The following CARD10 variants were observed in gnomAD, a reference collection of about 807,000 sequenced individuals.
CARD10 encodes the protein caspase recruitment domain family member 10.
Under a neutral mutation model 114.6 loss-of-function variants are expected in CARD10, and 49 were observed. The ratio of observed to expected loss-of-function variants is 0.43; its 90% CI spans 0.34 to 0.54. The LOEUF is 0.54. CARD10 is among the 20% of genes least tolerant of loss of function. CARD10 has a pLI of 0.03. For missense variants in CARD10, 1,206 were observed against 1,397.2 expected (o/e 0.86, Z 2.18); for synonymous variants, 602 against 593.2 (o/e 1.01, Z -0.21).
Position 37,492,300 on chromosome 22 carries a change from G to A in CARD10, c.2751+135C>T, listed in dbSNP as rs1922830888. The A allele has an allele frequency of 3.0e-6, 2 of 665,508 alleles. No homozygotes were observed. Among genetic ancestry groups the A allele is most frequent in the African/African-American group, 1.8e-5 (1 of 55,354 alleles). 41.2% of individuals were successfully genotyped at this position (665,508 alleles called of 1,614,324 possible). Reference sequence around the variant, plus strand: ...GAAACTGAAGGCCACAGGAGGGAAAGGACTTGGCCAGGGCCGCCCTGCCAG... The same window carrying A: ...GAAACTGAAGGCCACAGGAGGGAAAAGACTTGGCCAGGGCCGCCCTGCCAG... On this transcript the variant is annotated intron_variant, in intron 18 of 19. Transcript: ENST00000251973. The surrounding 1 kb of genome is among the most constrained non-coding windows in gnomAD (Gnocchi z 5.7).
At position 37,490,431 on chromosome 22, in the gene CARD10, C is replaced by A. The variant is rs139823002; in HGVS notation, c.*728G>T. ...GTGAAAAAGGCCCGTTAATCATCCACGGGCCGTACATTCTCATGACAGAGC... is the reference window on the plus strand; with the variant it reads ...GTGAAAAAGGCCCGTTAATCATCCAAGGGCCGTACATTCTCATGACAGAGC... On this transcript the variant is annotated 3_prime_UTR_variant, in exon 20 of 20. Transcript: ENST00000251973. 6.6e-6 allele frequency: 1 copy of A among 152,226 alleles called. No homozygotes were observed. The highest frequency in any genetic ancestry group is 2.4e-5 in the African/African-American group (1 of 41,436). The allele number at this position is 152,226 out of a possible 1,614,324, so 9.4% of individuals were successfully genotyped here.
chr22:37,508,416 G>T, intron 5 of CARD10, 111 bp downstream of exon 5: 1 of 1,162,558 alleles, frequency 8.6e-7, no homozygotes, highest in Non-Finnish European at 1.2e-6. Context: ...ACAAATGAAT[G>T]CAGTTCTCAG....
At chr22:37,507,650 G>T (rs1056669211) in intron 6 of CARD10, among the ~76,000 whole-genome samples, 179 bp downstream of exon 6, 1 of 152,202 alleles carries the variant, frequency 6.6e-6, no homozygotes, top group Non-Finnish European at 1.5e-5. Context: ...TGTAAGGCTG[G>T]TATCTCAAGG....
At position 37,490,515 on chromosome 22, in the gene CARD10, C is replaced by T. The variant is rs972933530; in HGVS notation, c.*644G>A. ...TAGGCAGGGAGTGGGCCCTGTGAGG[C>T]ACGGTCCTGAGTGTGCCCGCCAGGA... On this transcript the variant is annotated 3_prime_UTR_variant, in exon 20 of 20. Coordinates refer to ENST00000251973, the MANE Select transcript of CARD10 (RefSeq NM_014550.4). 6.6e-6 allele frequency: 1 copy of T among 152,292 alleles called. No individual in the cohort carries two copies. The highest frequency in any genetic ancestry group is 2.4e-5 in the African/African-American group (1 of 41,464). 9.4% of individuals were successfully genotyped at this position (152,292 alleles called of 1,614,324 possible).
chr22:37,512,355 G>A (rs968325116), intron 3 of CARD10: 3 of 152,040 alleles, frequency 2.0e-5, no homozygotes, highest in Non-Finnish European at 2.9e-5. Flanking sequence ...ATGACTTCTG[G>A]TGCTACAGTC....
rs1406830755 is a variant in CARD10 at position 37,491,380 on chromosome 22, G to A, written c.2878C>T (p.Arg960Trp). 8 of 1,497,592 alleles carry A rather than the reference G, an allele frequency of 5.3e-6. No individual in the cohort carries two copies. Among genetic ancestry groups the A allele is most frequent in the South Asian group, 3.9e-5 (3 of 76,840 alleles). The allele number at this position is 1,497,592 out of a possible 1,614,324, so 92.8% of individuals were successfully genotyped here. A position where few individuals can be genotyped will look rare whatever the true frequency, so the allele number is the denominator to read the frequency against. ...AGCTCTGAGTCCCGCCAGCCCGGCCGGCCCAGCAGACCCCTGCCGAGAGAA... is the reference window on the plus strand; with the variant it reads ...AGCTCTGAGTCCCGCCAGCCCGGCCAGCCCAGCAGACCCCTGCCGAGAGAA... ...NVREVRGLLG[R>W]PGWRDSELLR... is the part of the protein sequence containing the mutation. Residue 960 changes from arginine (R) to tryptophan (W), a missense_variant, in exon 20 of 20, where the codon CGG becomes TGG. Physicochemically the swap from Arg to Trp is moderately radical, Grantham distance 101. Coordinates refer to ENST00000251973, the MANE Select transcript of CARD10 (RefSeq NM_014550.4).
rs141811623 is a variant in CARD10, at chr22:37,497,093, C to T, written c.1873G>A (p.Gly625Arg). 5 of 1,614,244 alleles carry T rather than the reference C, an allele frequency of 3.1e-6. No homozygotes were observed. The African/African-American group carries it at 6.7e-5, about 22-fold the overall frequency. Residue 625 changes from glycine to arginine, a missense_variant, in exon 12 of 20, where the codon GGG (glycine) becomes AGG (arginine). By Grantham distance (125) the Gly-to-Arg change is moderately radical. This residue lies in a region of CARD10 where 1,068 missense variants were observed against 1,179.1 expected (regional missense o/e 0.91). Coordinates refer to ENST00000251973, the MANE Select transcript of CARD10 (RefSeq NM_014550.4). Reference protein sequence around the residue: ...DKGPDGLSFYGDRWSGAVVRR... With the variant: ...DKGPDGLSFYRDRWSGAVVRR... ...ACCACAGCCCCAGACCATCTGTCCC[C>T]ATAAAACGACAGTCCATCTGGTCCC...
At chr22:37,517,779 G>A (rs890480058) in intron 2 of CARD10, among the ~76,000 whole-genome samples, 192 bp downstream of exon 2, 1 of 152,216 alleles carries the variant, frequency 6.6e-6, no homozygotes, top group Admixed American at 6.5e-5. Context: ...TCTGAACTTG[G>A]AATAACGGCA....
rs528552185 is a variant in CARD10 at position 37,500,474 on chromosome 22, C to A, written c.1787+2128G>T. Among the ~76,000 whole-genome samples the A allele has an allele frequency of 1.8e-3, 281 of 152,150 alleles. 1 individual carries two copies. Among genetic ancestry groups the A allele is most frequent in the Non-Finnish European group, 3.4e-3 (228 of 67,998 alleles). On this transcript the variant is annotated intron_variant, in intron 11 of 19. Transcript: ENST00000251973. ...ACCTGACTATCTGTCAGCCCAACCC[C>A]CGGTCTGCCCCAGCCCCCCACTATC...
At position 37,497,147 on chromosome 22, in the gene CARD10, G is replaced by A; in HGVS notation, c.1819C>T (p.Pro607Ser). 4 of 1,613,938 alleles carry A rather than the reference G, an allele frequency of 2.5e-6. No individual in the cohort carries two copies. Among genetic ancestry groups the A allele is most frequent in the Non-Finnish European group, 3.4e-6 (4 of 1,179,946 alleles). ...SLAIRVSGRS[P>S]PGGPEPQDKG... ...TCCTGCGGCTCTGGGCCCCCTGGGGGGCTCCGGCCAGACACCCGAATAGCC... is the reference window on the plus strand; with the variant it reads ...TCCTGCGGCTCTGGGCCCCCTGGGGAGCTCCGGCCAGACACCCGAATAGCC... Residue 607 changes from proline to serine, a missense_variant, in exon 12 of 20, where the codon CCC becomes TCC. Pro to Ser is a moderately conservative substitution (Grantham distance 74). Transcript: ENST00000251973.
In CARD10 at chr22:37,495,780, GC is replaced by G; in HGVS notation, c.2282del (p.Gly761AlafsTer13). ...GTCACCTCTGATAATTGGGCACGGT[GC>G]CCCGGTCCAGGTCCCGCAGAGTGAG... Reference protein sequence around the residue: ...DPLTLRDLDRGTVPNYQRAQQ... With the variant: ...DPLTLRDLDRXTVPNYQRAQQ... On this transcript the variant is annotated frameshift_variant, in exon 14 of 20. Coordinates refer to ENST00000251973, the MANE Select transcript of CARD10 (RefSeq NM_014550.4). LOFTEE classifies it high-confidence loss of function. 1 of 1,613,930 alleles carries G rather than the reference GC, an allele frequency of 6.2e-7. No homozygotes were observed. Among genetic ancestry groups the G allele is most frequent in the Non-Finnish European group, 8.5e-7 (1 of 1,180,034 alleles).
In CARD10 at chr22:37,496,754, A is replaced by G. The variant is rs1423914421; in HGVS notation, c.1948-194T>C. ...ACGCCCCCATCCACAGGACTCCCCAACCCGCCCAGCTCATCCAGGTCTTTC... is the reference window on the plus strand; with the variant it reads ...ACGCCCCCATCCACAGGACTCCCCAGCCCGCCCAGCTCATCCAGGTCTTTC... On this transcript the variant is annotated intron_variant, in intron 12 of 19. Transcript: ENST00000251973. This position sits in a 1 kb window ranked among gnomAD's most constrained non-coding sequence, Gnocchi z 4.1. 3.2e-6 allele frequency: 2 copies of G among 629,776 alleles called. No individual in the cohort carries two copies. Among genetic ancestry groups the G allele is most frequent in the African/African-American group, 3.7e-5 (2 of 54,022 alleles). 39.0% of individuals were successfully genotyped at this position (629,776 alleles called of 1,614,324 possible).
intron 4 of CARD10, among the ~76,000 whole-genome samples, chr22:37,509,817 T>A (rs1168850151): frequency 2.9e-4 from 7 of 23,744 alleles, no homozygotes; most frequent in African/African-American, 4.8e-4. Context: ...CCTCCTGACC[T>A]CCTGCCAGCC....
In CARD10 at chr22:37,519,102, G is replaced by C. The variant is rs1314890878; in HGVS notation, c.99C>G (p.Gly33=). ...EEDALWERIE[G]VRHRLARALN... ...GGGCGCGAGCCAGCCGATGCCGGAC[G>C]CCCTCGATTCGCTCCCACAGCGCGT... Residue 33 remains glycine, a synonymous_variant, in exon 1 of 20, where the codon GGC becomes GGG. Transcript: ENST00000251973. The surrounding 1 kb of genome is among the most constrained non-coding windows in gnomAD (Gnocchi z 4.1). 1.3e-6 allele frequency: 2 copies of C among 1,588,496 alleles called. No individual in the cohort carries two copies. The highest frequency in any genetic ancestry group is 1.7e-6 in the Non-Finnish European group (2 of 1,174,578).
At chr22:37,502,466 G>C (rs1485191496) in intron 11 of CARD10, 136 bp downstream of exon 11, 7 of 1,002,770 alleles carry the variant, frequency 7.0e-6, no homozygotes, top group Non-Finnish European at 7.0e-6. Context: ...GGAATCCAAG[G>C]GCTGCCAGTG....
intron 9 of CARD10, 28 bp downstream of exon 9, chr22:37,504,158 T>G (rs1601813244): frequency 6.8e-7 from 1 of 1,468,512 alleles, no homozygotes. Flanking sequence ...CCTCCCTGGG[T>G]GTCTACTGCT....
intron 2 of CARD10, among the ~76,000 whole-genome samples, chr22:37,517,364 G>A (rs756121369): frequency 7.2e-5 from 11 of 152,316 alleles, no homozygotes; most frequent in Non-Finnish European, 1.6e-4. Flanking sequence ...TCAGCTAGGC[G>A]CAGTGGCTCA....
intron 16 of CARD10, 53 bp downstream of exon 16, chr22:37,494,032 CA>C: frequency 7.7e-7 from 1 of 1,306,174 alleles, no homozygotes; most frequent in East Asian, 2.5e-5. Context: ...CAGCTGCACA[CA>C]TCCCTGGACA....
chr22:37,507,022 T>G (rs903708961), intron 6 of CARD10, among the ~76,000 whole-genome samples: 2 of 152,250 alleles, frequency 1.3e-5, no homozygotes, highest in Non-Finnish European at 2.9e-5. Context: ...CTCATGCCTT[T>G]GATCCCAGCA....
Sources: allele counts gnomAD v4.1 joint callset (sites outside exome capture counted in the v4.1 genomes callset), GRCh38; gene constraint gnomAD v4.1.1; regional missense constraint gnomAD v4.1.1; non-coding constraint Gnocchi (gnomAD v3.1); transcripts MANE v1.5; gene names NCBI Gene and HGNC (gene_info 2026-07-23, HGNC 2026-07-21).